Variants in VPS41 observed in about 807,000 individuals in gnomAD.
VPS41 encodes the protein vacuolar protein sorting-associated protein 41 homolog.
VPS41 carries 85 observed loss-of-function variants against 130.9 expected under a neutral mutation model. The observed-to-expected ratio is 0.65, with a 90% CI of 0.55 to 0.78. The LOEUF is 0.78. Ranked by LOEUF, VPS41 falls within the 30% of genes least tolerant of loss-of-function variation. The pLI is 0.00. For missense variants in VPS41, 874 were observed against 1,018.7 expected (o/e 0.86, Z 1.93); for synonymous variants, 335 against 332.9 (o/e 1.01, Z -0.07).
At chr7:38,907,078 GAAA>G (rs3056397) in intron 1 of VPS41, among the ~76,000 whole-genome samples, 9 of 141,330 alleles carry the variant, frequency 6.4e-5, no homozygotes, top group South Asian at 2.3e-4. Context: ...AATATACAGG[GAAA>G]AAAAAAAAAA....
At chr7:38,745,797 G>A (rs1040964298) in intron 22 of VPS41, 184 bp from the exon 23 acceptor site, 1 of 597,832 alleles carries the variant, frequency 1.7e-6, no homozygotes, top group African/African-American at 1.9e-5. Context: ...CAGAGGTACT[G>A]GACTCTACAC....
At chr7:38,843,825 T>C (rs1785666071) in intron 4 of VPS41, among the ~76,000 whole-genome samples, 1 of 152,134 alleles carries the variant, frequency 6.6e-6, no homozygotes, top group Admixed American at 6.5e-5. Flanking sequence ...ACTTGAGAAA[T>C]AATTAGGAAA....
rs1783976808 is a variant in VPS41 at position 38,764,043 on chromosome 7, C to T, written c.1330-496G>A. On this transcript the variant is annotated intron_variant, in intron 16 of 28. Transcript: ENST00000310301. ...AATTTACAAATACTGTTCAATGACC[C>T]TATAATGCCCTACAATCCAATCACC... 2.0e-5 allele frequency among the ~76,000 whole-genome samples: 3 copies of T among 152,134 alleles called. No individual in the cohort carries two copies. The South Asian group carries it at 6.2e-4, about 32-fold the overall frequency.
chr7:38,766,717 G>A (rs1480184540), intron 15 of VPS41, among the ~76,000 whole-genome samples: 2 of 152,134 alleles, frequency 1.3e-5, no homozygotes, highest in Non-Finnish European at 2.9e-5. Context: ...ATGATAGTGA[G>A]TTAGTTCTCA....
At chr7:38,828,751 C>A (rs2116161670) in intron 5 of VPS41, among the ~76,000 whole-genome samples, 1 of 152,170 alleles carries the variant, frequency 6.6e-6, no homozygotes, top group Admixed American at 6.5e-5. Flanking sequence ...AAATAGGCAG[C>A]TATAAATTTT....
At chr7:38,817,697 T>A (rs538471486) in intron 7 of VPS41, 120 bp downstream of exon 7, 1 of 860,680 alleles carries the variant, frequency 1.2e-6, no homozygotes, top group African/African-American at 1.7e-5. Context: ...TCATTACATT[T>A]GTCTTTCTCG....
In VPS41 at chr7:38,756,834, T is replaced by C; in HGVS notation, c.1695+4A>G. 3 of 1,533,622 alleles carry C rather than the reference T, an allele frequency of 2.0e-6. No homozygotes were observed. Among genetic ancestry groups the C allele is most frequent in the Non-Finnish European group, 2.7e-6 (3 of 1,122,504 alleles). On this transcript the variant is annotated splice_donor_region_variant and intron_variant, in intron 19 of 28. Transcript: ENST00000310301. ...TGACAGTACTAAAATAAAAAGCACA[T>C]TACCTCTGAATCAAAATCCATTAAT...
intron 25 of VPS41, among the ~76,000 whole-genome samples, chr7:38,738,456 C>T (rs749630595): frequency 5.9e-5 from 9 of 151,966 alleles, no homozygotes; most frequent in South Asian, 4.2e-4. Context: ...CAAATAAAAC[C>T]GTCAAAAGAA....
At chr7:38,773,009 A>G (rs901404742) in intron 12 of VPS41, among the ~76,000 whole-genome samples, 44 of 152,062 alleles carry the variant, frequency 2.9e-4, no homozygotes, top group Non-Finnish European at 4.3e-4. Context: ...AAAATTCTCT[A>G]TGTCTACTGC....
chr7:38,906,909 C>T (rs866309178), intron 1 of VPS41, among the ~76,000 whole-genome samples: 2 of 152,064 alleles, frequency 1.3e-5, no homozygotes, highest in East Asian at 1.9e-4. Flanking sequence ...AGCCTGAGCA[C>T]GTTACTCAAG....
intron 4 of VPS41, among the ~76,000 whole-genome samples, chr7:38,847,226 T>C (rs1360438556): frequency 6.6e-6 from 1 of 152,152 alleles, no homozygotes; most frequent in African/African-American, 2.4e-5. Context: ...CAAAATGATC[T>C]GAACTATTTT....
chr7:38,779,615 T>C (rs1411964564), intron 10 of VPS41, among the ~76,000 whole-genome samples: 1 of 152,220 alleles, frequency 6.6e-6, no homozygotes, highest in Non-Finnish European at 1.5e-5. Context: ...AATGGTGGTG[T>C]CTTGTTTTTC....
intron 4 of VPS41, among the ~76,000 whole-genome samples, chr7:38,855,271 A>T (rs1340727906): frequency 6.6e-6 from 1 of 151,872 alleles, no homozygotes; most frequent in Non-Finnish European, 1.5e-5. Context: ...AGCAGCTTAA[A>T]GGAACACTGA....
At chr7:38,840,795 C>CT (rs1785593325) in intron 4 of VPS41, among the ~76,000 whole-genome samples, 6 of 152,186 alleles carry the variant, frequency 3.9e-5, no homozygotes, top group Admixed American at 3.3e-4. Context: ...AGACAGGCTG[C>CT]TGGCTTTTGC....
At chr7:38,784,675 G>A (rs1784407753) in intron 10 of VPS41, among the ~76,000 whole-genome samples, 1 of 151,710 alleles carries the variant, frequency 6.6e-6, no homozygotes. Context: ...AGGAGGGGAA[G>A]GGGAAGAATA....
chr7:38,766,757 C>T (rs1784052832), intron 15 of VPS41, among the ~76,000 whole-genome samples: 1 of 152,112 alleles, frequency 6.6e-6, no homozygotes, highest in Admixed American at 6.5e-5. Flanking sequence ...GAGGAGCTTC[C>T]CCCTTCATTG....
intron 4 of VPS41, among the ~76,000 whole-genome samples, chr7:38,831,505 T>C (rs713243): frequency 0.079 from 12,077 of 152,264 alleles, 598 homozygotes; most frequent in African/African-American, 0.13. Context: ...TGAGATCCAA[T>C]AATGAAAGTA....
chr7:38,789,428 C>T (rs1415009171), intron 10 of VPS41, among the ~76,000 whole-genome samples: 1 of 152,032 alleles, frequency 6.6e-6, no homozygotes, highest in African/African-American at 2.4e-5. Flanking sequence ...CTGTGCTAGA[C>T]AAGGGGAAAG....
intron 17 of VPS41, among the ~76,000 whole-genome samples, chr7:38,759,409 A>C (rs867001855): frequency 1.3e-5 from 2 of 152,362 alleles, no homozygotes; most frequent in South Asian, 4.1e-4. Flanking sequence ...TCTCAAAACA[A>C]ACCAAACAAT....
Sources: gnomAD v4.1 joint callset for allele counts (sites outside exome capture counted in the v4.1 genomes callset) on GRCh38, gnomAD v4.1.1 for gene constraint, MANE v1.5 for transcripts, NCBI Gene and HGNC (gene_info 2026-07-23, HGNC 2026-07-21) for gene names.